Variants in EPHA4 observed in about 807,000 individuals in gnomAD.
EPHA4 encodes ephrin type-A receptor 4.
EPHA4 carries 19 observed loss-of-function variants against 108.3 expected under a neutral mutation model. The ratio of observed to expected loss-of-function variants is 0.18; its 90% CI spans 0.12 to 0.26. The LOEUF (loss-of-function observed/expected upper bound fraction) is 0.26. Among genes scored for constraint, EPHA4 ranks in the 10% least tolerant of loss-of-function variants. The pLI, the probability that EPHA4 is intolerant of heterozygous loss-of-function variation, is 1.00. For missense variants in EPHA4, 917 were observed against 1,254.0 expected, an observed-to-expected ratio of 0.73 and a Z score of 4.06; for synonymous variants, 449 against 455.5, an observed-to-expected ratio of 0.99 and a Z score of 0.18.
At chr2:221,463,195 T>A (rs761107312) in intron 5 of EPHA4, among the ~76,000 whole-genome samples, 1 of 152,024 alleles carries the variant, frequency 6.6e-6, no homozygotes, top group African/African-American at 2.4e-5. Flanking sequence ...ACATACCAAA[T>A]GGACACAAGT....
intron 8 of EPHA4, among the ~76,000 whole-genome samples, chr2:221,454,249 G>A (rs1214255339): frequency 6.6e-6 from 1 of 151,806 alleles, no homozygotes; most frequent in Non-Finnish European, 1.5e-5. Context: ...TAGATTATAT[G>A]GTCACCACTC....
chr2:221,491,992 G>A (rs1363701862), intron 4 of EPHA4, among the ~76,000 whole-genome samples: 2 of 151,890 alleles, frequency 1.3e-5, no homozygotes, highest in African/African-American at 4.8e-5. Context: ...GACAGAGTGA[G>A]ACTCTGTCTT....
chr2:221,567,493 T>C (rs1351343252), intron 2 of EPHA4, among the ~76,000 whole-genome samples: 1 of 152,142 alleles, frequency 6.6e-6, no homozygotes, highest in Non-Finnish European at 1.5e-5. Flanking sequence ...TCCTCCCTCC[T>C]TTAAAAAGAT....
chr2:221,453,717 C>G (rs1690855052), intron 8 of EPHA4, among the ~76,000 whole-genome samples: 1 of 152,172 alleles, frequency 6.6e-6, no homozygotes, highest in African/African-American at 2.4e-5. Context: ...ACTCATCACT[C>G]TAATCAAACA....
chr2:221,490,408 G>A (rs147282194), intron 4 of EPHA4, among the ~76,000 whole-genome samples: 5 of 151,964 alleles, frequency 3.3e-5, no homozygotes, highest in Non-Finnish European at 1.5e-5. Context: ...ATTTTTAATC[G>A]CCATTTTAAA....
intron 3 of EPHA4, among the ~76,000 whole-genome samples, chr2:221,540,052 T>C (rs777699930): frequency 2.6e-5 from 4 of 152,196 alleles, no homozygotes; most frequent in Non-Finnish European, 5.9e-5. Flanking sequence ...CCTGAGTAGC[T>C]GGAATTACAG....
chr2:221,463,166 G>A (rs1293839011), intron 5 of EPHA4, among the ~76,000 whole-genome samples: 4 of 152,140 alleles, frequency 2.6e-5, no homozygotes, highest in Admixed American at 2.6e-4. Flanking sequence ...GCATTATTAG[G>A]AACAGACTCT....
At chr2:221,572,051 T>G in intron 1 of EPHA4, 107 bp downstream of exon 1, 1 of 935,326 alleles carries the variant, frequency 1.1e-6, no homozygotes, top group Non-Finnish European at 1.7e-6. Flanking sequence ...GGACGCACCA[T>G]TCACACTGGG....
intron 5 of EPHA4, among the ~76,000 whole-genome samples, chr2:221,476,135 G>A (rs544483869): frequency 4.6e-5 from 7 of 152,200 alleles, no homozygotes; most frequent in South Asian, 2.1e-4. Context: ...CATGAGAATC[G>A]CTGGAACCTG....
chr2:221,434,803 G>A (rs1021479769), intron 13 of EPHA4, among the ~76,000 whole-genome samples: 6 of 152,124 alleles, frequency 3.9e-5, no homozygotes, highest in Non-Finnish European at 8.8e-5. Context: ...GGGATGATAT[G>A]ATAAATAGGC....
At position 221,426,354 on chromosome 2, in the gene EPHA4, C is replaced by T. The variant is rs1490120541; in HGVS notation, c.2846+110G>A. 9.3e-6 allele frequency: 12 copies of T among 1,293,616 alleles called. No individual in the cohort carries two copies. In the African/African-American group the frequency reaches 1.4e-4, roughly 15 times the overall value. The allele number at this position is 1,293,616 out of a possible 1,614,324, so 80.1% of individuals were successfully genotyped here. A position where few individuals can be genotyped will look rare whatever the true frequency, so the allele number is the denominator to read the frequency against. On this transcript the variant is annotated intron_variant, in intron 16 of 17. Coordinates refer to ENST00000281821, the MANE Select transcript of EPHA4 (RefSeq NM_004438.5). ...AATTATACTCAATCAAAATGAGAGGCATTCCAGATTTTTTTTAAATGAGTA... is the reference window on the plus strand; with the variant it reads ...AATTATACTCAATCAAAATGAGAGGTATTCCAGATTTTTTTTAAATGAGTA...
rs1559296993 is a variant in EPHA4 at position 221,566,833 on chromosome 2, GAGAAGAAGGAGAAGGAGAAGGAGA to G, written c.159+1861_159+1884del. On this transcript the variant is annotated intron_variant, in intron 2 of 17. Transcript: ENST00000281821. ...GAAGAAGAAGGAGAAGAAGGAGAAG[GAGAAGAAGGAGAAGGAGAAGGAGA>G]AGAAGAAGAAGAAGAAGAAGGAGAA... is the stretch of plus-strand genomic sequence containing the variant. Among the ~76,000 whole-genome samples, 6 of 108,448 alleles carry G rather than the reference GAGAAGAAGGAGAAGGAGAAGGAGA, an allele frequency of 5.5e-5. 1 individual carries two copies. The highest frequency in any genetic ancestry group is 2.0e-4 in the African/African-American group (6 of 29,672). 71.1% of individuals were successfully genotyped at this position (108,448 alleles called of 152,430 possible).
At chr2:221,488,079 A>C (rs550060122) in intron 4 of EPHA4, among the ~76,000 whole-genome samples, 2 of 152,282 alleles carry the variant, frequency 1.3e-5, no homozygotes, top group South Asian at 4.1e-4. Flanking sequence ...TCCCTGCAGC[A>C]ACTACTCAAC....
intron 15 of EPHA4, among the ~76,000 whole-genome samples, chr2:221,426,950 A>C (rs1689930256): frequency 6.6e-6 from 1 of 152,212 alleles, no homozygotes; most frequent in Non-Finnish European, 1.5e-5. Context: ...AAACCTGTTC[A>C]ATCTTTGCAG....
chr2:221,501,531 C>G (rs2106158015), intron 3 of EPHA4, among the ~76,000 whole-genome samples: 1 of 152,306 alleles, frequency 6.6e-6, no homozygotes, highest in East Asian at 1.9e-4. Flanking sequence ...CAGGCATTAT[C>G]TCTACCTTAG....
At position 221,521,072 on chromosome 2, in the gene EPHA4, A is replaced by G. The variant is rs1206106274; in HGVS notation, c.824-19900T>C. On this transcript the variant is annotated intron_variant, in intron 3 of 17. Coordinates refer to ENST00000281821, the MANE Select transcript of EPHA4 (RefSeq NM_004438.5). Reference sequence around the variant, plus strand: ...TTTTTGAAGAAACAGAAATTATGAAATTCTGATTATTTCATACACAACAAG... The same window carrying G: ...TTTTTGAAGAAACAGAAATTATGAAGTTCTGATTATTTCATACACAACAAG... 2.0e-5 allele frequency among the ~76,000 whole-genome samples: 3 copies of G among 152,224 alleles called. No homozygotes were observed. In the South Asian group the frequency reaches 6.2e-4, roughly 31 times the overall value.
At chr2:221,487,909 C>T (rs10498113) in intron 4 of EPHA4, among the ~76,000 whole-genome samples, 65,663 of 151,910 alleles carry the variant, frequency 0.43, 14,288 homozygotes, top group East Asian at 0.53. Flanking sequence ...TGTAATATAA[C>T]TTAGTGGCCC....
intron 3 of EPHA4, among the ~76,000 whole-genome samples, chr2:221,563,404 G>A (rs902109795): frequency 2.0e-5 from 3 of 152,058 alleles, no homozygotes; most frequent in Admixed American, 6.5e-5. Context: ...AAATGTGTCC[G>A]CCCTCTTTAA....
At chr2:221,435,982 A>T (rs1282983817) in intron 13 of EPHA4, among the ~76,000 whole-genome samples, 1 of 151,970 alleles carries the variant, frequency 6.6e-6, no homozygotes, top group African/African-American at 2.4e-5. Flanking sequence ...AGGCAGGCAA[A>T]TACAAGTGCA....
Sources: gnomAD v4.1 joint callset for allele counts (sites outside exome capture counted in the v4.1 genomes callset) on GRCh38, gnomAD v4.1.1 for gene constraint, MANE v1.5 for transcripts, NCBI Gene and HGNC (gene_info 2026-07-23, HGNC 2026-07-21) for gene names.